RAD51: variants seen among roughly 807,000 people sequenced by gnomAD.
RAD51 encodes DNA repair protein RAD51 homolog 1.
Under a neutral mutation model 41.5 loss-of-function variants are expected in RAD51, and 14 were observed. The ratio of observed to expected loss-of-function variants is 0.34; its 90% confidence interval spans 0.22 to 0.53. The LOEUF (loss-of-function observed/expected upper bound fraction) is 0.53, where lower values mean the gene tolerates loss of function less well. Among genes scored for constraint, RAD51 ranks in the 20% least tolerant of loss-of-function variants. The probability of loss-of-function intolerance (pLI) is 0.95; values close to 1 mark genes in which losing one functional copy is unlikely to be tolerated. For missense variants in RAD51, 234 were observed against 422.0 expected (o/e 0.55, Z 3.90); for synonymous variants, 136 against 148.6 (o/e 0.92, Z 0.62).
intron 3 of RAD51, among the ~76,000 whole-genome samples, chr15:40,704,693 G>A (rs1895226332): frequency 7.4e-6 from 1 of 135,706 alleles, no homozygotes; most frequent in Non-Finnish European, 1.6e-5. Flanking sequence ...TTTTTGAGAT[G>A]GAATCTCGCT....
chr15:40,713,828 G>T (rs1007019867), intron 5 of RAD51, among the ~76,000 whole-genome samples: 1 of 151,148 alleles, frequency 6.6e-6, no homozygotes, highest in Admixed American at 6.6e-5. Context: ...GGATGGTCTC[G>T]ATCTCCTGAC....
At chr15:40,720,185 C>T (rs1385786577) in intron 6 of RAD51, among the ~76,000 whole-genome samples, 2 of 152,012 alleles carry the variant, frequency 1.3e-5, no homozygotes, top group East Asian at 3.9e-4. Context: ...TATTTCGGCT[C>T]ACTGCAACTT....
chr15:40,698,861 C>G lies in RAD51; in HGVS notation c.87+16C>G. The G allele has an allele frequency of 6.2e-7, 1 of 1,609,002 alleles. No individual in the cohort carries two copies. Among genetic ancestry groups the G allele is most frequent in the East Asian group, 2.2e-5 (1 of 44,848 alleles). ...ACGGTTAGAGGTATGTGGTTAGTTG[C>G]TAATTTTGGAATTATATACTAGATT... On this transcript the variant is annotated intron_variant, in intron 2 of 9. Transcript: ENST00000267868.
At chr15:40,728,625 A>G (rs1896711068) in intron 6 of RAD51, 86 bp from the exon 7 acceptor site, 5 of 1,029,494 alleles carry the variant, frequency 4.9e-6, no homozygotes, top group Non-Finnish European at 7.6e-6. Context: ...TTCCCTACCT[A>G]TTCAGGTAAT....
intron 6 of RAD51, 99 bp downstream of exon 6, chr15:40,718,998 A>C: frequency 9.2e-7 from 1 of 1,085,418 alleles, no homozygotes; most frequent in Non-Finnish European, 1.4e-6. Context: ...CTATAACCCC[A>C]CGTCCCAAAG....
chr15:40,730,938 C>A, intron 9 of RAD51, 117 bp from the exon 10 acceptor site: 1 of 1,348,786 alleles, frequency 7.4e-7, no homozygotes, highest in Non-Finnish European at 1.0e-6. Flanking sequence ...CAGAAACATT[C>A]CCAGGGTCCT....
chr15:40,711,799 G>T (rs1895715408), intron 5 of RAD51, among the ~76,000 whole-genome samples: 1 of 152,208 alleles, frequency 6.6e-6, no homozygotes, highest in Non-Finnish European at 1.5e-5. Flanking sequence ...ATCAAACTGG[G>T]CATGATAGCT....
At position 40,698,844 on chromosome 15, in the gene RAD51, A is replaced by G. The variant is rs1489593050; in HGVS notation, c.86A>G (p.Glu29Gly). The part of the protein sequence containing the change: ...SFGPQPISRL[E>G]QCGINANDVK... ...GGCCCACAACCCATTTCACGGTTAG[A>G]GGTATGTGGTTAGTTGCTAATTTTG... Residue 29 changes from glutamate (E) to glycine (G), a missense_variant and splice_region_variant, in exon 2 of 10, where the codon GAG becomes GGG. Physicochemically the swap from Glu to Gly is moderately conservative, Grantham distance 98. This residue lies in a region of RAD51 where 100 missense variants were observed against 135.5 expected (regional missense o/e 0.74). Coordinates refer to ENST00000267868, the MANE Select transcript of RAD51 (RefSeq NM_002875.5). 6.8e-6 allele frequency: 11 copies of G among 1,613,646 alleles called. No individual in the cohort carries two copies. The highest frequency in any genetic ancestry group is 9.3e-6 in the Non-Finnish European group (11 of 1,179,648).
At chr15:40,721,446 T>G (rs1207245260) in intron 6 of RAD51, among the ~76,000 whole-genome samples, 2 of 152,186 alleles carry the variant, frequency 1.3e-5, no homozygotes, top group East Asian at 3.8e-4. Context: ...TATGGAGAGT[T>G]CGGAAATGAA....
intron 4 of RAD51, 128 bp downstream of exon 4, chr15:40,706,422 T>C: frequency 1.2e-6 from 1 of 832,586 alleles, no homozygotes; most frequent in Middle Eastern, 2.6e-4. Flanking sequence ...GAAGGCCAGG[T>C]GCAGTGGCTT....
At chr15:40,725,200 ATTTC>A (rs1452580342) in intron 6 of RAD51, among the ~76,000 whole-genome samples, 3 of 151,450 alleles carry the variant, frequency 2.0e-5, no homozygotes, top group Admixed American at 1.3e-4. Context: ...TGCCTGGCCT[ATTTC>A]TTATTTTTGT....
Position 40,701,296 on chromosome 15 carries a change from G to T in RAD51, c.225+95G>T, listed in dbSNP as rs201630587. 359 of 1,374,568 alleles carry T rather than the reference G, an allele frequency of 2.6e-4. No homozygotes were observed. In the African/African-American group the frequency reaches 4.3e-3, roughly 16 times the overall value. 85.1% of individuals were successfully genotyped at this position (1,374,568 alleles called of 1,614,324 possible). A position where few individuals can be genotyped will look rare whatever the true frequency, so the allele number is the denominator to read the frequency against. On this transcript the variant is annotated intron_variant, in intron 3 of 9. Coordinates refer to ENST00000267868, the MANE Select transcript of RAD51 (RefSeq NM_002875.5). ...TTCTTCCTTCTATCTCTTATTCTTC[G>T]GTCATCTCATTATCCTTTCCAGGGG...
chr15:40,727,835 A>T (rs935514781), intron 6 of RAD51, among the ~76,000 whole-genome samples: 6 of 150,850 alleles, frequency 4.0e-5, no homozygotes, highest in Non-Finnish European at 8.8e-5. Flanking sequence ...TAATCATAGC[A>T]CACTGGGTTT....
chr15:40,716,661 T>C (rs1410184162), intron 5 of RAD51, among the ~76,000 whole-genome samples: 2 of 141,338 alleles, frequency 1.4e-5, no homozygotes, highest in East Asian at 2.1e-4. Context: ...CTACTTCTTT[T>C]TTTTTTTTTT....
At chr15:40,696,982 C>G (rs1004012435) in intron 1 of RAD51, among the ~76,000 whole-genome samples, 4 of 152,224 alleles carry the variant, frequency 2.6e-5, no homozygotes, top group South Asian at 2.1e-4. Flanking sequence ...TACTGGTTAT[C>G]AGCCCTCAGT....
Position 40,729,587 on chromosome 15 carries a change from A to G in RAD51, c.727A>G (p.Met243Val), listed in dbSNP as rs1196348842. ...SGRGELSARQ[M>V]HLARFLRMLL... ...TCGAGGTGAGCTTTCAGCCAGGCAG[A>G]TGCACTTGGCCAGGTTTCTGCGGAT... The change falls in exon 8 of 10, where the codon ATG (methionine) becomes GTG (valine). Residue 243 changes from methionine (M) to valine (V), a missense_variant. By Grantham distance (21) the Met-to-Val change is conservative. Around this residue, in one of 2 missense-constraint regions of RAD51, gnomAD observed 134 missense variants for 286.5 expected, o/e 0.47. Transcript: ENST00000267868. The G allele has an allele frequency of 8.1e-6, 13 of 1,613,922 alleles. No homozygotes were observed. The highest frequency in any genetic ancestry group is 1.1e-5 in the Non-Finnish European group (13 of 1,180,024).
chr15:40,706,724 G>A (rs1350118347), intron 4 of RAD51, among the ~76,000 whole-genome samples: 1 of 152,080 alleles, frequency 6.6e-6, no homozygotes, highest in Non-Finnish European at 1.5e-5. Flanking sequence ...GATAAAGGAA[G>A]TATCCACATT....
At chr15:40,697,903 G>C (rs45474096) in intron 1 of RAD51, among the ~76,000 whole-genome samples, 115 of 152,208 alleles carry the variant, frequency 7.6e-4, no homozygotes, top group Admixed American at 1.8e-3. Context: ...ATCAAATCAG[G>C]GTAATCAGCA....
chr15:40,699,173 C>T (rs1010066066), intron 2 of RAD51, among the ~76,000 whole-genome samples: 5 of 152,124 alleles, frequency 3.3e-5, no homozygotes, highest in Admixed American at 6.6e-5. Flanking sequence ...GATGGAGTTT[C>T]GCTCTTGTTG....
Sources: gnomAD v4.1 joint callset for allele counts (sites outside exome capture counted in the v4.1 genomes callset) on GRCh38, gnomAD v4.1.1 for gene constraint, gnomAD v4.1.1 regional missense constraint, MANE v1.5 for transcripts, NCBI Gene and HGNC (gene_info 2026-07-23, HGNC 2026-07-21) for gene names.